The following SRBD1 variants were observed in gnomAD, a reference collection of about 807,000 sequenced individuals.
SRBD1 encodes the protein S1 RNA-binding domain-containing protein 1.
In SRBD1, 88 loss-of-function variants were observed where a neutral mutation model predicts 115.3. The observed-to-expected ratio is 0.76, with a 90% CI of 0.64 to 0.91. The LOEUF (loss-of-function observed/expected upper bound fraction) is 0.91, where lower values mean the gene tolerates loss of function less well. SRBD1 is among the 40% of genes least tolerant of loss of function. SRBD1 has a pLI of 0.00. For synonymous variants in SRBD1, 509 were observed against 407.7 expected, an observed-to-expected ratio of 1.25 and a Z score of -2.99; for missense variants, 1,385 against 1,177.4, an observed-to-expected ratio of 1.18 and a Z score of -2.58.
intron 14 of SRBD1, chr2:45,546,464 T>G (rs556578784): frequency 1.5e-4 from 89 of 603,488 alleles, no homozygotes; most frequent in Admixed American, 5.7e-4. Flanking sequence ...ACACAATGTA[T>G]AGCCTAGAAA....
chr2:45,554,913 T>A (rs1672425193), intron 10 of SRBD1, among the ~76,000 whole-genome samples: 1 of 152,162 alleles, frequency 6.6e-6, no homozygotes, highest in African/African-American at 2.4e-5. Context: ...TCCATTTGAA[T>A]ACTCTTTCAG....
chr2:45,505,847 T>C (rs1442271054), intron 14 of SRBD1, among the ~76,000 whole-genome samples: 1 of 152,214 alleles, frequency 6.6e-6, no homozygotes, highest in Non-Finnish European at 1.5e-5. Context: ...ATCTCTGGAC[T>C]GTTAGGTCAG....
At chr2:45,564,673 A>C (rs533445701) in intron 9 of SRBD1, among the ~76,000 whole-genome samples, 35 of 152,350 alleles carry the variant, frequency 2.3e-4, no homozygotes, top group African/African-American at 7.9e-4. Flanking sequence ...ACTTAGGAAT[A>C]AATTTAACAA....
rs778773971 is a variant in SRBD1 at position 45,573,169 on chromosome 2, T to C, written c.1305+38A>G. 3.3e-6 allele frequency: 5 copies of C among 1,536,850 alleles called. No individual in the cohort carries two copies. The East Asian group carries it at 9.5e-5, about 29-fold the overall frequency. On this transcript the variant is annotated intron_variant, in intron 9 of 20. Transcript: ENST00000263736. ...AGGCAAATCCAAAATATTATCATTA[T>C]TACGAAATCAGCATGCACATGCAGT... is the stretch of plus-strand genomic sequence containing the variant.
chr2:45,418,341 A>T, intron 18 of SRBD1, 24 bp downstream of exon 18: 1 of 1,604,702 alleles, frequency 6.2e-7, no homozygotes, highest in Non-Finnish European at 8.5e-7. Flanking sequence ...TGACAATAGA[A>T]TCAAAGTGTA....
intron 7 of SRBD1, among the ~76,000 whole-genome samples, chr2:45,579,437 ATCTT>A (rs1673276989): frequency 6.6e-6 from 1 of 152,212 alleles, no homozygotes; most frequent in South Asian, 2.1e-4. Flanking sequence ...ATATAGGAGA[ATCTT>A]TATAAACTTG....
chr2:45,591,071 T>C (rs867976358), intron 4 of SRBD1, among the ~76,000 whole-genome samples: 2 of 151,856 alleles, frequency 1.3e-5, no homozygotes, highest in Non-Finnish European at 2.9e-5. Context: ...TATGTCTTCA[T>C]AGCAGTGTGA....
chr2:45,566,900 T>C (rs934947639), intron 9 of SRBD1, among the ~76,000 whole-genome samples: 1 of 152,140 alleles, frequency 6.6e-6, no homozygotes, highest in Non-Finnish European at 1.5e-5. Context: ...TAATTCTTAA[T>C]GGCTTTCTTC....
chr2:45,398,758 A>G (rs1038939353), intron 19 of SRBD1, among the ~76,000 whole-genome samples: 1 of 152,176 alleles, frequency 6.6e-6, no homozygotes, highest in Non-Finnish European at 1.5e-5. Context: ...TAGTTACCTC[A>G]AAGTATCTAA....
At chr2:45,572,803 A>G (rs1673060914) in intron 9 of SRBD1, among the ~76,000 whole-genome samples, 1 of 152,146 alleles carries the variant, frequency 6.6e-6, no homozygotes. Context: ...AAACACTGAG[A>G]TACAATGACT....
At chr2:45,606,380 G>C (rs573060036) in intron 1 of SRBD1, among the ~76,000 whole-genome samples, 6 of 151,980 alleles carry the variant, frequency 3.9e-5, no homozygotes, top group Non-Finnish European at 5.9e-5. Context: ...GGCTGGTCTT[G>C]AACTCCCGAC....
chr2:45,506,291 T>A (rs1459631373), intron 14 of SRBD1, among the ~76,000 whole-genome samples: 1 of 152,140 alleles, frequency 6.6e-6, no homozygotes, highest in Non-Finnish European at 1.5e-5. Flanking sequence ...CACAAAGGGA[T>A]CACTGGGACA....
At chr2:45,473,375 T>C (rs956866495) in intron 16 of SRBD1, among the ~76,000 whole-genome samples, 21 of 152,196 alleles carry the variant, frequency 1.4e-4, no homozygotes, top group African/African-American at 4.8e-4. Context: ...AGATTAACAT[T>C]ATAGATTTTA....
chr2:45,398,865 ATAATT>A (rs1667218992), intron 19 of SRBD1, among the ~76,000 whole-genome samples: 1 of 152,308 alleles, frequency 6.6e-6, no homozygotes, highest in East Asian at 1.9e-4. Flanking sequence ...TAATTATCAT[ATAATT>A]TAAACAACTG....
At chr2:45,478,291 C>T (rs1330174682) in intron 15 of SRBD1, among the ~76,000 whole-genome samples, 2 of 152,190 alleles carry the variant, frequency 1.3e-5, no homozygotes, top group South Asian at 4.1e-4. Flanking sequence ...AAAGTCATCT[C>T]TTGCAAGTGA....
At chr2:45,593,582 T>C (rs1673791608) in intron 4 of SRBD1, among the ~76,000 whole-genome samples, 1 of 152,214 alleles carries the variant, frequency 6.6e-6, no homozygotes, top group Non-Finnish European at 1.5e-5. Flanking sequence ...GAAAACATCT[T>C]GGCATCAACC....
intron 14 of SRBD1, among the ~76,000 whole-genome samples, chr2:45,496,270 A>T (rs1670456306): frequency 6.6e-6 from 1 of 152,216 alleles, no homozygotes; most frequent in South Asian, 2.1e-4. Context: ...GATTTTTTAG[A>T]ATAAAACATA....
At chr2:45,534,126 A>C (rs1671694166) in intron 14 of SRBD1, among the ~76,000 whole-genome samples, 1 of 151,930 alleles carries the variant, frequency 6.6e-6, no homozygotes, top group Non-Finnish European at 1.5e-5. Flanking sequence ...AAACAGTCAA[A>C]CTGAATTCAA....
chr2:45,538,695 G>A (rs1283368208), intron 14 of SRBD1, among the ~76,000 whole-genome samples: 1 of 152,162 alleles, frequency 6.6e-6, no homozygotes, highest in Non-Finnish European at 1.5e-5. Flanking sequence ...TAAAGAAAAA[G>A]TTGTTCTCTT....
Sources: gnomAD v4.1 joint callset for allele counts (sites outside exome capture counted in the v4.1 genomes callset) on GRCh38, gnomAD v4.1.1 for gene constraint, MANE v1.5 for transcripts, NCBI Gene and HGNC (gene_info 2026-07-23, HGNC 2026-07-21) for gene names.